Variants in DCDC2 observed in about 807,000 individuals in gnomAD.
DCDC2 encodes doublecortin domain containing 2.
Under a neutral mutation model 50.2 loss-of-function variants are expected in DCDC2, and 40 were observed. The observed-to-expected ratio is 0.80, with a 90% CI of 0.62 to 1.04. DCDC2 has a LOEUF of 1.04. DCDC2 is among the 50% of genes least tolerant of loss of function. The pLI, the probability that DCDC2 is intolerant of heterozygous loss-of-function variation, is 0.00. For synonymous variants in DCDC2, 234 were observed against 210.6 expected (o/e 1.11, Z -0.96); for missense variants, 570 against 581.9 (o/e 0.98, Z 0.21).
chr6:24,200,775 A>G (rs1431743997), intron 8 of DCDC2, among the ~76,000 whole-genome samples: 2 of 152,096 alleles, frequency 1.3e-5, no homozygotes, highest in African/African-American at 4.8e-5. Context: ...AAAGACACAC[A>G]TAGGCTCAAA....
Position 24,173,875 on chromosome 6 carries a change from A to T in DCDC2, c.*855T>A, listed in dbSNP as rs542294755. On this transcript the variant is annotated 3_prime_UTR_variant, in exon 10 of 10. Coordinates refer to ENST00000378454, the MANE Select transcript of DCDC2 (RefSeq NM_016356.5). ...TTTTTGTTGAAAACTATTTGAAAAT[A>T]ATTTAATCTTTGGAATAGCCAATAT... is the stretch of plus-strand genomic sequence containing the variant. 3 of 152,240 alleles carry T rather than the reference A, an allele frequency of 2.0e-5. No individual in the cohort carries two copies. Among genetic ancestry groups the T allele is most frequent in the Non-Finnish European group, 4.4e-5 (3 of 68,048 alleles). The allele number at this position is 152,240 out of a possible 1,614,324, so 9.4% of individuals were successfully genotyped here. A position where few individuals can be genotyped will look rare whatever the true frequency, so the allele number is the denominator to read the frequency against.
intron 7 of DCDC2, among the ~76,000 whole-genome samples, chr6:24,214,366 G>C (rs1468269902): frequency 6.6e-6 from 1 of 152,020 alleles, no homozygotes; most frequent in East Asian, 1.9e-4. Flanking sequence ...CCAGATCACA[G>C]GTAATTTTGT....
chr6:24,348,217 T>C lies in DCDC2; in HGVS notation c.348+5352A>G, dbSNP rs537248828. ...TAGGTTTGTAGGGTTTGGAATCTCATTGAAGGATTCTGAAGAGCTAAGGGA... is the reference window on the plus strand; with the variant it reads ...TAGGTTTGTAGGGTTTGGAATCTCACTGAAGGATTCTGAAGAGCTAAGGGA... On this transcript the variant is annotated intron_variant, in intron 2 of 9. Coordinates refer to ENST00000378454, the MANE Select transcript of DCDC2 (RefSeq NM_016356.5). Among the ~76,000 whole-genome samples, 12 of 152,292 alleles carry C rather than the reference T, an allele frequency of 7.9e-5. No individual in the cohort carries two copies. In the East Asian group the frequency reaches 1.4e-3, roughly 17 times the overall value.
intron 4 of DCDC2, among the ~76,000 whole-genome samples, chr6:24,299,000 G>A (rs1271573762): frequency 6.6e-6 from 1 of 152,140 alleles, no homozygotes; most frequent in Non-Finnish European, 1.5e-5. Flanking sequence ...AAACCCAAAG[G>A]AAAATAAATC....
intron 2 of DCDC2, among the ~76,000 whole-genome samples, chr6:24,327,453 C>CTTTATTTAT (rs143127754): frequency 2.2e-5 from 3 of 136,612 alleles, no homozygotes; most frequent in Non-Finnish European, 4.7e-5. Flanking sequence ...ACATTATAAA[C>CTTTATTTAT]TTATTTATTT....
At chr6:24,303,030 G>A (rs1759410620) in intron 2 of DCDC2, among the ~76,000 whole-genome samples, 1 of 151,944 alleles carries the variant, frequency 6.6e-6, no homozygotes, top group Admixed American at 6.6e-5. Context: ...GTCTCAGAAG[G>A]AACTATATGC....
intron 2 of DCDC2, among the ~76,000 whole-genome samples, chr6:24,348,957 C>G (rs1379203724): frequency 6.6e-6 from 1 of 152,226 alleles, no homozygotes; most frequent in Non-Finnish European, 1.5e-5. Context: ...CTCTTCCCCT[C>G]TCTATATAAC....
intron 8 of DCDC2, among the ~76,000 whole-genome samples, chr6:24,202,014 G>T (rs1451376052): frequency 6.6e-6 from 1 of 151,476 alleles, no homozygotes; most frequent in Non-Finnish European, 1.5e-5. Context: ...CAAAAAAAAA[G>T]CCCAGAACCA....
chr6:24,337,346 GC>G (rs2127244802), intron 2 of DCDC2, among the ~76,000 whole-genome samples: 1 of 152,096 alleles, frequency 6.6e-6, no homozygotes, highest in African/African-American at 2.4e-5. Context: ...AAGCAGATAT[GC>G]CAAAGCCTTT....
intron 2 of DCDC2, among the ~76,000 whole-genome samples, chr6:24,310,276 C>A (rs573819348): frequency 1.3e-5 from 2 of 152,054 alleles, no homozygotes; most frequent in South Asian, 4.2e-4. Context: ...AATCGAGCTC[C>A]AAAAAATTAA....
intron 8 of DCDC2, among the ~76,000 whole-genome samples, chr6:24,195,234 G>T (rs553955721): frequency 6.6e-6 from 1 of 152,154 alleles, no homozygotes. Context: ...TATTGCTCAC[G>T]CAATAGCAGT....
chr6:24,237,309 C>T (rs1303535928), intron 7 of DCDC2, among the ~76,000 whole-genome samples: 1 of 152,066 alleles, frequency 6.6e-6, no homozygotes, highest in Non-Finnish European at 1.5e-5. Context: ...TACACCAAAC[C>T]CCCGTGACAC....
At chr6:24,198,954 T>A (rs1250539713) in intron 8 of DCDC2, among the ~76,000 whole-genome samples, 1 of 152,184 alleles carries the variant, frequency 6.6e-6, no homozygotes, top group Non-Finnish European at 1.5e-5. Flanking sequence ...AGACTGCCTC[T>A]CTAGATTCCT....
intron 9 of DCDC2, among the ~76,000 whole-genome samples, chr6:24,175,083 T>C (rs1168479941): frequency 6.8e-6 from 1 of 146,416 alleles, no homozygotes; most frequent in Non-Finnish European, 1.5e-5. Flanking sequence ...ACTCATTTTG[T>C]ATGCTGCAGG....
chr6:24,246,349 G>C (rs1762670572), intron 7 of DCDC2, among the ~76,000 whole-genome samples: 1 of 151,328 alleles, frequency 6.6e-6, no homozygotes. Flanking sequence ...TAGATCTTTA[G>C]TGGTAAAATT....
chr6:24,278,772 G>T (rs1295278641), intron 6 of DCDC2, among the ~76,000 whole-genome samples: 1 of 152,164 alleles, frequency 6.6e-6, no homozygotes, highest in Admixed American at 6.5e-5. Flanking sequence ...TTCGTAACAA[G>T]TTGTCGCTAT....
chr6:24,207,284 C>A (rs1761739304), intron 7 of DCDC2, among the ~76,000 whole-genome samples: 1 of 150,820 alleles, frequency 6.6e-6, no homozygotes, highest in Non-Finnish European at 1.5e-5. Context: ...CTCTCTCTCT[C>A]TCTCAGACAC....
At chr6:24,292,693 C>T (rs543033170) in intron 4 of DCDC2, among the ~76,000 whole-genome samples, 4 of 152,272 alleles carry the variant, frequency 2.6e-5, no homozygotes, top group Admixed American at 6.5e-5. Context: ...CATAGTAAGA[C>T]GCTATCTCAA....
At chr6:24,315,607 C>A (rs1286085117) in intron 2 of DCDC2, among the ~76,000 whole-genome samples, 1 of 151,976 alleles carries the variant, frequency 6.6e-6, no homozygotes, top group Non-Finnish European at 1.5e-5. Context: ...CACAAAATAA[C>A]AGAGAGGGTT....
Sources: allele counts gnomAD v4.1 joint callset (sites outside exome capture counted in the v4.1 genomes callset), GRCh38; gene constraint gnomAD v4.1.1; transcripts MANE v1.5; gene names NCBI Gene and HGNC (gene_info 2026-07-23, HGNC 2026-07-21).